Variants in NALCN observed in about 807,000 individuals in gnomAD.
The protein encoded by NALCN is sodium leak channel, non-selective.
In NALCN, 111 loss-of-function variants were observed where a neutral mutation model predicts 225.3. That is an observed-to-expected ratio of 0.49 (90% CI 0.42 to 0.58). NALCN has a LOEUF of 0.58. Ranked by LOEUF, NALCN falls within the 20% of genes least tolerant of loss-of-function variation. The probability of loss-of-function intolerance (pLI) is 0.00; values close to 1 mark genes in which losing one functional copy is unlikely to be tolerated. For synonymous variants in NALCN, 764 were observed against 769.0 expected (o/e 0.99, Z 0.11); for missense variants, 1,378 against 2,202.4 (o/e 0.63, Z 7.49).
chr13:101,155,002 T>C (rs536979499), intron 15 of NALCN, among the ~76,000 whole-genome samples: 1 of 152,332 alleles, frequency 6.6e-6, no homozygotes, highest in East Asian at 1.9e-4. Context: ...AACGTATTCA[T>C]GGCAGAAAGC....
Position 101,251,246 on chromosome 13 carries a change from T to C in NALCN, c.1266+7197A>G, listed in dbSNP as rs182417652. On this transcript the variant is annotated intron_variant, in intron 11 of 43. Coordinates refer to ENST00000251127, the MANE Select transcript of NALCN (RefSeq NM_052867.4). ...AAGTTGGAAGCAATTGAAATACCCA[T>C]TGCCCTTACATGCAGAACAAATAAA... 6.8e-4 allele frequency among the ~76,000 whole-genome samples: 104 copies of C among 152,236 alleles called. 2 individuals are homozygous for C. The highest frequency in any genetic ancestry group is 2.5e-3 in the African/African-American group (102 of 41,566).
intron 22 of NALCN, among the ~76,000 whole-genome samples, chr13:101,106,008 C>T (rs956514821): frequency 2.6e-5 from 4 of 152,118 alleles, no homozygotes; most frequent in African/African-American, 9.7e-5. Context: ...GCTCAAGCAA[C>T]ATAAGTTTAT....
chr13:101,166,246 C>G (rs1423778087), intron 15 of NALCN, among the ~76,000 whole-genome samples: 2 of 152,162 alleles, frequency 1.3e-5, no homozygotes, highest in Non-Finnish European at 2.9e-5. Flanking sequence ...ATTTTCATTT[C>G]TTTTGGATAT....
chr13:101,152,973 T>G (rs1392243754), intron 15 of NALCN, among the ~76,000 whole-genome samples: 1 of 151,862 alleles, frequency 6.6e-6, no homozygotes, highest in Non-Finnish European at 1.5e-5. Context: ...TAGGGAAAAA[T>G]GTCACACCAA....
In NALCN at chr13:101,056,246, CTTTTTTTTTTTTTTT is replaced by C. The variant is rs34583741; in HGVS notation, c.5024-773_5024-759del. 3.5e-4 allele frequency among the ~76,000 whole-genome samples: 16 copies of C among 45,828 alleles called. 1 individual carries two copies. The highest frequency in any genetic ancestry group is 9.2e-4 in the African/African-American group (10 of 10,880). The allele number at this position is 45,828 out of a possible 152,430, so 30.1% of individuals were successfully genotyped here. ...ACCTAGGCATGGACCAGTGGAAGTA[CTTTTTTTTTTTTTTT>C]TTTTTTTTTTTTTTTGGGAGACAGG... is the stretch of plus-strand genomic sequence containing the variant. On this transcript the variant is annotated intron_variant, in intron 43 of 43. Coordinates refer to ENST00000251127, the MANE Select transcript of NALCN (RefSeq NM_052867.4).
chr13:101,208,667 G>A (rs1186286968), intron 13 of NALCN, among the ~76,000 whole-genome samples: 2 of 152,186 alleles, frequency 1.3e-5, no homozygotes, highest in Non-Finnish European at 2.9e-5. Flanking sequence ...CGGGGCAGCT[G>A]TCTCACAAAT....
intron 1 of NALCN, among the ~76,000 whole-genome samples, chr13:101,415,553 A>C (rs1402069793): frequency 6.6e-6 from 1 of 152,230 alleles, no homozygotes; most frequent in Non-Finnish European, 1.5e-5. Flanking sequence ...TTAAGTCAGC[A>C]AAATGACTGC....
chr13:101,392,015 C>T (rs574344953), intron 3 of NALCN, among the ~76,000 whole-genome samples: 2 of 148,452 alleles, frequency 1.3e-5, no homozygotes, highest in African/African-American at 5.0e-5. Flanking sequence ...AAAAAAAAAA[C>T]AAAAAATAAA....
chr13:101,174,122 A>G (rs1352667857), intron 15 of NALCN, among the ~76,000 whole-genome samples: 1 of 152,210 alleles, frequency 6.6e-6, no homozygotes, highest in Admixed American at 6.5e-5. Context: ...AATATTTGCT[A>G]TAATGAATTT....
chr13:101,177,527 G>A (rs1310482563), intron 14 of NALCN, among the ~76,000 whole-genome samples: 4 of 150,966 alleles, frequency 2.6e-5, no homozygotes, highest in East Asian at 3.9e-4. Context: ...TTGTGTATTG[G>A]AGTAATACAA....
rs187275717 is a variant in NALCN at position 101,380,395 on chromosome 13, G to A, written c.292-1742C>T. ...TGACATTAGAATGCTTTAATAACAT[G>A]GGAATTTAAAAAATGCCTTTGGAAT... On this transcript the variant is annotated intron_variant, in intron 3 of 43. Coordinates refer to ENST00000251127, the MANE Select transcript of NALCN (RefSeq NM_052867.4). 1.1e-3 allele frequency among the ~76,000 whole-genome samples: 161 copies of A among 152,084 alleles called. 3 individuals carry two copies. The highest frequency in any genetic ancestry group is 3.3e-3 in the African/African-American group (135 of 41,490).
At chr13:101,321,142 A>G (rs1407155712) in intron 7 of NALCN, among the ~76,000 whole-genome samples, 1 of 152,192 alleles carries the variant, frequency 6.6e-6, no homozygotes, top group African/African-American at 2.4e-5. Flanking sequence ...AATCCTATGT[A>G]CGATTCTGAA....
At chr13:101,410,918 T>G (rs1292858430) in intron 1 of NALCN, among the ~76,000 whole-genome samples, 1 of 152,220 alleles carries the variant, frequency 6.6e-6, no homozygotes, top group Non-Finnish European at 1.5e-5. Context: ...TAGCATTAGT[T>G]TTTGTGGATA....
chr13:101,112,476 G>A (rs2035494652), intron 18 of NALCN, among the ~76,000 whole-genome samples: 1 of 152,194 alleles, frequency 6.6e-6, no homozygotes, highest in African/African-American at 2.4e-5. Flanking sequence ...GAATTCCCTT[G>A]AGATAGTTGA....
chr13:101,254,307 A>T (rs990909787), intron 11 of NALCN, among the ~76,000 whole-genome samples: 5 of 131,586 alleles, frequency 3.8e-5, no homozygotes, highest in Non-Finnish European at 1.6e-5. Flanking sequence ...TGGGAGGCAG[A>T]GGTTGCAGGG....
At chr13:101,400,323 G>A (rs574923088) in intron 1 of NALCN, among the ~76,000 whole-genome samples, 31 of 152,204 alleles carry the variant, frequency 2.0e-4, no homozygotes, top group African/African-American at 7.5e-4. Context: ...CCATGCTGAA[G>A]CTGCAGACTA....
chr13:101,136,593 T>C (rs1390277110), intron 17 of NALCN, among the ~76,000 whole-genome samples: 1 of 152,168 alleles, frequency 6.6e-6, no homozygotes, highest in Admixed American at 6.5e-5. Context: ...CTGAGAATGA[T>C]GGTTTCCAGC....
chr13:101,065,386 C>T lies in NALCN; in HGVS notation c.4604+18G>A, dbSNP rs770543432. 29 of 1,613,366 alleles carry T rather than the reference C, an allele frequency of 1.8e-5. No individual in the cohort carries two copies. The highest frequency in any genetic ancestry group is 2.2e-5 in the East Asian group (1 of 44,872). Reference sequence around the variant, plus strand: ...GGTTTCTGGCCCCCATTCAGCCCTGCGAAAGCCTGCCTTGTACCTCAGGAC... The same window carrying T: ...GGTTTCTGGCCCCCATTCAGCCCTGTGAAAGCCTGCCTTGTACCTCAGGAC... On this transcript the variant is annotated intron_variant, in intron 40 of 43. Transcript: ENST00000251127.
At chr13:101,403,584 T>C (rs1594790162) in intron 1 of NALCN, among the ~76,000 whole-genome samples, 1 of 152,240 alleles carries the variant, frequency 6.6e-6, no homozygotes, top group Non-Finnish European at 1.5e-5. Flanking sequence ...ATACAACTTG[T>C]ATAAAATGAA....
Sources: allele counts gnomAD v4.1 joint callset (sites outside exome capture counted in the v4.1 genomes callset), GRCh38; gene constraint gnomAD v4.1.1; transcripts MANE v1.5; gene names NCBI Gene and HGNC (gene_info 2026-07-23, HGNC 2026-07-21).